The following RORA variants were observed in gnomAD, a reference collection of about 807,000 sequenced individuals.
The protein encoded by RORA is RAR related orphan receptor A, also known as nuclear receptor ROR-alpha.
Under a neutral mutation model 69.5 loss-of-function variants are expected in RORA, and 7 were observed. The ratio of observed to expected loss-of-function variants is 0.10; its 90% confidence interval spans 0.06 to 0.19. The LOEUF is 0.19. Among genes scored for constraint, RORA ranks in the 10% least tolerant of loss-of-function variants. The probability of loss-of-function intolerance (pLI) is 1.00; values close to 1 mark genes in which losing one functional copy is unlikely to be tolerated. For synonymous variants in RORA, 261 were observed against 240.8 expected, an observed-to-expected ratio of 1.08 and a Z score of -0.78; for missense variants, 457 against 663.0, an observed-to-expected ratio of 0.69 and a Z score of 3.41.
intron 1 of RORA, among the ~76,000 whole-genome samples, chr15:60,878,213 G>A (rs553026643): frequency 4.0e-5 from 6 of 149,154 alleles, no homozygotes; most frequent in Admixed American, 2.7e-4. Flanking sequence ...GCGTAGTGGC[G>A]GGTGCCTGTA....
chr15:60,610,505 A>G (rs1485381263), intron 2 of RORA, among the ~76,000 whole-genome samples: 2 of 152,178 alleles, frequency 1.3e-5, no homozygotes, highest in African/African-American at 2.4e-5. Context: ...GTGGCTGGGA[A>G]CCACAGCACA....
chr15:60,919,648 C>G (rs1891984436), intron 1 of RORA, among the ~76,000 whole-genome samples: 1 of 152,186 alleles, frequency 6.6e-6, no homozygotes, highest in African/African-American at 2.4e-5. Context: ...ACATTTGCAC[C>G]TCCTGACCTG....
At chr15:61,057,961 G>A (rs2078118796) in intron 1 of RORA, among the ~76,000 whole-genome samples, 1 of 152,230 alleles carries the variant, frequency 6.6e-6, no homozygotes, top group African/African-American at 2.4e-5. Flanking sequence ...AAAAGATCCT[G>A]TGGGACTAAG....
intron 2 of RORA, among the ~76,000 whole-genome samples, chr15:60,587,243 T>C (rs890926470): frequency 3.3e-5 from 5 of 151,950 alleles, no homozygotes; most frequent in African/African-American, 1.2e-4. Flanking sequence ...AAAATCATGG[T>C]TGAAGAGAGC....
chr15:60,803,251 C>T (rs555263320), intron 1 of RORA, among the ~76,000 whole-genome samples: 1 of 152,318 alleles, frequency 6.6e-6, no homozygotes, highest in East Asian at 1.9e-4. Flanking sequence ...CCTTGCCTTT[C>T]ACGTGCACAT....
chr15:60,591,173 G>T (rs9920733), intron 2 of RORA, among the ~76,000 whole-genome samples: 1,705 of 152,284 alleles, frequency 0.011, 40 homozygotes, highest in African/African-American at 0.038. Context: ...CAATTGCTGC[G>T]CATTAGGGAA....
chr15:61,073,369 G>C (rs944124993), intron 1 of RORA, among the ~76,000 whole-genome samples: 2 of 151,038 alleles, frequency 1.3e-5, no homozygotes, highest in African/African-American at 4.8e-5. Context: ...CACCATGTGG[G>C]ATCCTTAGTA....
chr15:60,588,983 T>G (rs1043892183), intron 2 of RORA, among the ~76,000 whole-genome samples: 13 of 152,186 alleles, frequency 8.5e-5, no homozygotes, highest in African/African-American at 3.1e-4. Flanking sequence ...ACAAATGGAT[T>G]CAGAAATCCT....
intron 1 of RORA, among the ~76,000 whole-genome samples, chr15:60,801,276 C>T (rs568248063): frequency 3.3e-5 from 5 of 152,182 alleles, no homozygotes; most frequent in African/African-American, 4.8e-5. Flanking sequence ...CCCCCTCCCC[C>T]CTCCTTCGAC....
At chr15:60,893,606 TA>T (rs1003864565) in intron 1 of RORA, among the ~76,000 whole-genome samples, 1 of 151,906 alleles carries the variant, frequency 6.6e-6, no homozygotes, top group Non-Finnish European at 1.5e-5. Context: ...TGTGCGTTTT[TA>T]AAAAATTTTA....
At chr15:61,181,859 T>C (rs536493753) in intron 1 of RORA, among the ~76,000 whole-genome samples, 2 of 152,236 alleles carry the variant, frequency 1.3e-5, no homozygotes, top group Admixed American at 6.5e-5. Context: ...AAATCTGAGA[T>C]TGGGTAACTA....
chr15:60,796,907 ATAT>A (rs2072506450), intron 1 of RORA, among the ~76,000 whole-genome samples: 1 of 151,906 alleles, frequency 6.6e-6, no homozygotes, highest in African/African-American at 2.4e-5. Context: ...ACCCTTGAAA[ATAT>A]TATGCTCAGT....
intron 1 of RORA, among the ~76,000 whole-genome samples, chr15:61,212,439 G>A (rs535781942): frequency 4.9e-4 from 75 of 152,146 alleles, no homozygotes; most frequent in African/African-American, 1.7e-3. Flanking sequence ...TCACTCTGTC[G>A]CCCAGGCTGG....
At position 60,495,546 on chromosome 15, in the gene RORA, T is replaced by C. The variant is rs1025393551; in HGVS notation, c.*1909A>G. 2.6e-5 allele frequency: 4 copies of C among 152,358 alleles called. No individual in the cohort carries two copies. Among genetic ancestry groups the C allele is most frequent in the South Asian group, 4.1e-4 (2 of 4,828 alleles). The allele number at this position is 152,358 out of a possible 1,614,324, so 9.4% of individuals were successfully genotyped here. On this transcript the variant is annotated 3_prime_UTR_variant, in exon 11 of 11. Transcript: ENST00000335670. ...GAGTTAGAAACAGAGTGAAGTGCTCTGGGAAGCCCATGCTGGTAACCTAGC... is the reference window on the plus strand; with the variant it reads ...GAGTTAGAAACAGAGTGAAGTGCTCCGGGAAGCCCATGCTGGTAACCTAGC...
chr15:61,119,989 G>A (rs983849058), intron 1 of RORA, among the ~76,000 whole-genome samples: 1 of 152,150 alleles, frequency 6.6e-6, no homozygotes, highest in East Asian at 1.9e-4. Flanking sequence ...AGAGATGATG[G>A]TAAAGGAGAA....
At chr15:61,028,464 G>C (rs1173720106) in intron 1 of RORA, among the ~76,000 whole-genome samples, 1 of 152,140 alleles carries the variant, frequency 6.6e-6, no homozygotes, top group Non-Finnish European at 1.5e-5. Context: ...ACTATGTGCG[G>C]GGCCCTTTGT....
At chr15:60,634,705 C>G (rs1567135630) in intron 2 of RORA, among the ~76,000 whole-genome samples, 3 of 152,106 alleles carry the variant, frequency 2.0e-5, no homozygotes, top group African/African-American at 7.2e-5. Context: ...ACCTGGCCCA[C>G]TTTTTTACCT....
intron 3 of RORA, among the ~76,000 whole-genome samples, chr15:60,516,205 ATATTTATATATATATATT>A (rs1382539522): frequency 9.8e-5 from 3 of 30,546 alleles, no homozygotes; most frequent in African/African-American, 7.8e-4. Flanking sequence ...ATTTATATAT[ATATTTATATATATATATT>A]TATATATATA....
At chr15:60,594,031 T>C (rs889486544) in intron 2 of RORA, among the ~76,000 whole-genome samples, 9 of 152,212 alleles carry the variant, frequency 5.9e-5, no homozygotes, top group Admixed American at 5.2e-4. Context: ...AGTCAAGCCA[T>C]GGCTTTATAA....
Sources: gnomAD v4.1 joint callset for allele counts (sites outside exome capture counted in the v4.1 genomes callset) on GRCh38, gnomAD v4.1.1 for gene constraint, MANE v1.5 for transcripts, NCBI Gene and HGNC (gene_info 2026-07-23, HGNC 2026-07-21) for gene names.